Variants in FOXP2 observed in about 807,000 individuals in gnomAD.
FOXP2 encodes the protein forkhead box protein P2.
Under a neutral mutation model 115.8 loss-of-function variants are expected in FOXP2, and 12 were observed. The observed-to-expected ratio is 0.10, with a 90% CI of 0.07 to 0.17. The LOEUF is 0.17. Ranked by LOEUF, FOXP2 falls within the 10% of genes least tolerant of loss-of-function variation. The pLI is 1.00. For missense variants in FOXP2, 629 were observed against 843.5 expected (o/e 0.75, Z 3.15); for synonymous variants, 328 against 297.7 (o/e 1.10, Z -1.05).
chr7:114,274,777 G>A (rs994415261), intron 1 of FOXP2, among the ~76,000 whole-genome samples: 3 of 151,210 alleles, frequency 2.0e-5, no homozygotes, highest in African/African-American at 7.3e-5. Context: ...CACCATGCCC[G>A]ACTAGTTTTT....
At chr7:114,531,258 A>G (rs1799130998) in intron 2 of FOXP2, among the ~76,000 whole-genome samples, 1 of 151,836 alleles carries the variant, frequency 6.6e-6, no homozygotes, top group South Asian at 2.1e-4. Flanking sequence ...AACTTTATGA[A>G]TGGCCCTGGA....
intron 1 of FOXP2, among the ~76,000 whole-genome samples, chr7:114,267,152 A>G (rs776933911): frequency 3.9e-5 from 6 of 152,136 alleles, no homozygotes; most frequent in Non-Finnish European, 8.8e-5. Flanking sequence ...TCTATAGAGC[A>G]TGTACCCTGT....
At chr7:114,685,090 T>C (rs1415460416) in intron 16 of FOXP2, among the ~76,000 whole-genome samples, 1 of 152,134 alleles carries the variant, frequency 6.6e-6, no homozygotes, top group East Asian at 1.9e-4. Context: ...AAATCACCTA[T>C]GGGTATACAC....
At chr7:114,593,496 A>G (rs1802542666) in intron 3 of FOXP2, among the ~76,000 whole-genome samples, 1 of 151,986 alleles carries the variant, frequency 6.6e-6, no homozygotes, top group Admixed American at 6.6e-5. Context: ...TTTTCTATCA[A>G]CGCTTATATG....
chr7:114,484,613 A>G (rs761450099), intron 2 of FOXP2, among the ~76,000 whole-genome samples: 1 of 151,948 alleles, frequency 6.6e-6, no homozygotes, highest in Non-Finnish European at 1.5e-5. Context: ...TGCAAATAAA[A>G]TGGTCATTTA....
intron 1 of FOXP2, among the ~76,000 whole-genome samples, chr7:114,156,031 G>A (rs1792657606): frequency 6.6e-6 from 1 of 152,014 alleles, no homozygotes; most frequent in Non-Finnish European, 1.5e-5. Flanking sequence ...TTCACTTGAG[G>A]CGTTCTTCCC....
intron 2 of FOXP2, among the ~76,000 whole-genome samples, chr7:114,379,535 G>A (rs1052671999): frequency 2.6e-5 from 4 of 152,066 alleles, no homozygotes; most frequent in Non-Finnish European, 4.4e-5. Flanking sequence ...TTCTCGGGAG[G>A]GGTGCCTTCG....
At chr7:114,470,746 T>C (rs1796008246) in intron 2 of FOXP2, among the ~76,000 whole-genome samples, 1 of 152,154 alleles carries the variant, frequency 6.6e-6, no homozygotes, top group Non-Finnish European at 1.5e-5. Context: ...TTTTGTCGTC[T>C]TTCCCTAACA....
At chr7:114,164,443 C>A (rs1264250788) in intron 1 of FOXP2, among the ~76,000 whole-genome samples, 1 of 151,728 alleles carries the variant, frequency 6.6e-6, no homozygotes, top group Non-Finnish European at 1.5e-5. Context: ...CTCCTGGATT[C>A]AAGTGATTCT....
At chr7:114,318,379 G>GTTTTT (rs201941261) in intron 2 of FOXP2, among the ~76,000 whole-genome samples, 1 of 116,822 alleles carries the variant, frequency 8.6e-6, no homozygotes, top group Non-Finnish European at 1.8e-5. Flanking sequence ...GTCTCTCTTT[G>GTTTTT]TTTTTTTTTT....
At chr7:114,534,766 G>A (rs186590490) in intron 3 of FOXP2, 60 bp downstream of exon 3, 3 of 1,322,638 alleles carry the variant, frequency 2.3e-6, no homozygotes, top group Admixed American at 1.7e-5. Flanking sequence ...AATGATAACA[G>A]ATGTGCAGAC....
At position 114,689,880 on chromosome 7, in the gene FOXP2, A is replaced by G; in HGVS notation, c.2102A>G (p.Asp701Gly). The G allele has an allele frequency of 1.2e-6, 2 of 1,613,522 alleles. No homozygotes were observed. Among genetic ancestry groups the G allele is most frequent in the Non-Finnish European group, 1.7e-6 (2 of 1,179,590 alleles). Residue 701 changes from aspartate to glycine, a missense_variant, in exon 17 of 17, where the codon GAC (aspartate) becomes GGC (glycine). Physicochemically the swap from Asp to Gly is moderately conservative, Grantham distance 94. Around this residue, in one of 9 missense-constraint regions of FOXP2, gnomAD observed 117 missense variants for 112.3 expected, o/e 1.04. Coordinates refer to ENST00000350908, the MANE Select transcript of FOXP2 (RefSeq NM_014491.4). ...TTANHSPELE[D>G]DREIEEEPLS... ...GCTAATCACAGTCCAGAATTAGAAG[A>G]CGACAGAGAGATTGAAGAAGAGCCT...
At chr7:114,493,644 A>C (rs1026309046) in intron 2 of FOXP2, among the ~76,000 whole-genome samples, 6 of 151,840 alleles carry the variant, frequency 4.0e-5, no homozygotes, top group Non-Finnish European at 7.4e-5. Flanking sequence ...TCTCACACGC[A>C]CCCACACACA....
chr7:114,629,610 T>C (rs1804779560), intron 4 of FOXP2, 195 bp from the exon 5 acceptor site: 8 of 1,563,758 alleles, frequency 5.1e-6, no homozygotes, highest in Non-Finnish European at 6.9e-6. Flanking sequence ...GGATTCTGGA[T>C]TGGAAAATTT....
chr7:114,244,264 G>A (rs938424285), intron 1 of FOXP2, among the ~76,000 whole-genome samples: 1 of 152,074 alleles, frequency 6.6e-6, no homozygotes, highest in Admixed American at 6.5e-5. Context: ...CAATAAATGA[G>A]CTAATCTTGA....
chr7:114,563,646 C>G (rs1800859732), intron 3 of FOXP2, among the ~76,000 whole-genome samples: 1 of 152,176 alleles, frequency 6.6e-6, no homozygotes, highest in African/African-American at 2.4e-5. Flanking sequence ...GTGGTATTAC[C>G]ACTACATAAG....
intron 3 of FOXP2, among the ~76,000 whole-genome samples, chr7:114,569,315 A>G (rs1442607680): frequency 1.3e-5 from 2 of 151,914 alleles, no homozygotes; most frequent in African/African-American, 4.8e-5. Flanking sequence ...ATTGCCTGCA[A>G]TTAGCATATT....
chr7:114,514,949 T>G (rs1349039757), intron 2 of FOXP2, among the ~76,000 whole-genome samples: 1 of 150,568 alleles, frequency 6.6e-6, no homozygotes, highest in African/African-American at 2.4e-5. Flanking sequence ...TTCCCACCTA[T>G]GAGTGAGAAT....
chr7:114,233,699 CTG>C (rs1313367461), intron 1 of FOXP2, among the ~76,000 whole-genome samples: 1 of 152,196 alleles, frequency 6.6e-6, no homozygotes, highest in African/African-American at 2.4e-5. Context: ...ATCAGGCAAA[CTG>C]TAGTAATATG....
Sources: gnomAD v4.1 joint callset for allele counts (sites outside exome capture counted in the v4.1 genomes callset) on GRCh38, gnomAD v4.1.1 for gene constraint, gnomAD v4.1.1 regional missense constraint, MANE v1.5 for transcripts, NCBI Gene and HGNC (gene_info 2026-07-23, HGNC 2026-07-21) for gene names.